ARHGEF7: variants seen among roughly 807,000 people sequenced by gnomAD.
ARHGEF7 encodes the protein Rho guanine nucleotide exchange factor 7, also known as PAK-interacting exchange factor beta.
Under a neutral mutation model 109.8 loss-of-function variants are expected in ARHGEF7, and 33 were observed. The observed-to-expected ratio is 0.30, with a 90% CI of 0.23 to 0.40. The LOEUF (loss-of-function observed/expected upper bound fraction) is 0.40. ARHGEF7 is among the 10% of genes least tolerant of loss of function. The pLI is 1.00. For missense variants in ARHGEF7, 938 were observed against 1,098.5 expected (o/e 0.85, Z 2.07); for synonymous variants, 458 against 424.6 (o/e 1.08, Z -0.97).
chr13:111,243,469 T>A (rs893003756), intron 6 of ARHGEF7, among the ~76,000 whole-genome samples: 5 of 152,240 alleles, frequency 3.3e-5, no homozygotes, highest in African/African-American at 1.2e-4. Flanking sequence ...TCTCTTAGAC[T>A]TAATACAAAT....
At chr13:111,247,327 G>A (rs909642692) in intron 8 of ARHGEF7, among the ~76,000 whole-genome samples, 1 of 150,902 alleles carries the variant, frequency 6.6e-6, no homozygotes, top group African/African-American at 2.4e-5. Flanking sequence ...GGAGTGCACT[G>A]GTGCGATCTC....
chr13:111,170,562 G>T (rs2077511169), intron 2 of ARHGEF7, among the ~76,000 whole-genome samples: 1 of 152,230 alleles, frequency 6.6e-6, no homozygotes, highest in African/African-American at 2.4e-5. Context: ...CCTTGCACAA[G>T]GCTGCTCACT....
intron 4 of ARHGEF7, among the ~76,000 whole-genome samples, chr13:111,213,534 A>G (rs143818734): frequency 6.9e-4 from 105 of 152,216 alleles, no homozygotes; most frequent in Non-Finnish European, 1.3e-3. Flanking sequence ...TGCTGTCCTG[A>G]TGTCTGATGG....
chr13:111,184,763 T>G (rs1239965218), intron 2 of ARHGEF7, among the ~76,000 whole-genome samples: 1 of 152,200 alleles, frequency 6.6e-6, no homozygotes, highest in Non-Finnish European at 1.5e-5. Context: ...CCCAGTTGAC[T>G]GGCATCAGAG....
intron 18 of ARHGEF7, among the ~76,000 whole-genome samples, chr13:111,291,456 C>T (rs759264944): frequency 1.3e-5 from 2 of 152,386 alleles, no homozygotes; most frequent in African/African-American, 2.4e-5. Flanking sequence ...TAAGCTCCAG[C>T]GCGCCCTGGG....
chr13:111,179,021 C>T (rs574814720), intron 2 of ARHGEF7, among the ~76,000 whole-genome samples: 3 of 150,816 alleles, frequency 2.0e-5, no homozygotes, highest in South Asian at 4.2e-4. Context: ...GACTAGAGTT[C>T]GGTGAACATC....
chr13:111,277,490 T>G (rs935832178), intron 12 of ARHGEF7, 97 bp from the exon 13 acceptor site: 8 of 722,422 alleles, frequency 1.1e-5, no homozygotes, highest in Non-Finnish European at 1.9e-5. Flanking sequence ...CATGTAATGT[T>G]TCATAGGGCC....
At chr13:111,150,702 G>C (rs138403457) in intron 1 of ARHGEF7, among the ~76,000 whole-genome samples, 330 of 152,282 alleles carry the variant, frequency 2.2e-3, no homozygotes, top group Non-Finnish European at 3.4e-3. Context: ...CCTTGTTGGC[G>C]TCAAGAGCCT....
chr13:111,241,473 G>A, intron 6 of ARHGEF7: 1 of 856,114 alleles, frequency 1.2e-6, no homozygotes, highest in Non-Finnish European at 1.8e-6. Flanking sequence ...AACTTGCATT[G>A]TTTGGTTGGG....
chr13:111,295,242 T>G, intron 19 of ARHGEF7: 1 of 979,350 alleles, frequency 1.0e-6, no homozygotes, highest in Non-Finnish European at 1.2e-6. Context: ...TAGCATAGTT[T>G]GCAGTGTAAT....
chr13:111,235,730 C>T (rs2086714825), intron 6 of ARHGEF7, among the ~76,000 whole-genome samples: 1 of 152,128 alleles, frequency 6.6e-6, no homozygotes, highest in Non-Finnish European at 1.5e-5. Context: ...GTAAATTGTA[C>T]ATAAAAATAG....
At chr13:111,203,131 T>C in intron 2 of ARHGEF7, 4 of 1,271,756 alleles carry the variant, frequency 3.1e-6, no homozygotes, top group South Asian at 2.6e-5. Context: ...AGTAGAAATT[T>C]ATGTATGTAT....
chr13:111,126,438 C>T (rs889067496), intron 1 of ARHGEF7, among the ~76,000 whole-genome samples: 1 of 150,388 alleles, frequency 6.6e-6, no homozygotes, highest in Non-Finnish European at 1.5e-5. Flanking sequence ...TGCAGTGAGC[C>T]GAGATCGTGC....
intron 1 of ARHGEF7, among the ~76,000 whole-genome samples, chr13:111,128,831 A>G (rs2067753965): frequency 1.3e-5 from 2 of 152,238 alleles, no homozygotes; most frequent in Admixed American, 1.3e-4. Flanking sequence ...TAGATTCAAC[A>G]GAGTCACAAC....
chr13:111,232,051 A>G (rs2086130392), intron 5 of ARHGEF7, among the ~76,000 whole-genome samples: 2 of 152,158 alleles, frequency 1.3e-5, no homozygotes, highest in Non-Finnish European at 2.9e-5. Flanking sequence ...TGTTAGATGT[A>G]CAGAACGTAG....
intron 2 of ARHGEF7, among the ~76,000 whole-genome samples, chr13:111,168,811 G>C (rs975418023): frequency 6.6e-6 from 1 of 152,204 alleles, no homozygotes; most frequent in African/African-American, 2.4e-5. Context: ...AAGTGATGCT[G>C]TGTTGAGAGA....
In ARHGEF7 at chr13:111,270,155, G is replaced by A. The variant is rs188554681; in HGVS notation, c.1073+2485G>A. ...GCGTCCAGTGATGGCAGCAACACTT[G>A]TCCATGGCCAGCTATTTTGAATGAA... On this transcript the variant is annotated intron_variant, in intron 9 of 21. Transcript: ENST00000646102. Among the ~76,000 whole-genome samples, 88 of 152,326 alleles carry A rather than the reference G, an allele frequency of 5.8e-4. 1 individual carries two copies. The highest frequency in any genetic ancestry group is 2.1e-3 in the African/African-American group (86 of 41,562).
At chr13:111,253,224 G>A (rs982438296) in intron 8 of ARHGEF7, among the ~76,000 whole-genome samples, 1 of 152,250 alleles carries the variant, frequency 6.6e-6, no homozygotes, top group Non-Finnish European at 1.5e-5. Flanking sequence ...CCCTGTTACA[G>A]TATGATTTAG....
At chr13:111,203,001 G>C in intron 2 of ARHGEF7, 2 of 1,152,168 alleles carry the variant, frequency 1.7e-6, no homozygotes, top group South Asian at 3.1e-5. Flanking sequence ...CAGCCAATCA[G>C]ATGCTTCCTG....
Sources: gnomAD v4.1 joint callset for allele counts (sites outside exome capture counted in the v4.1 genomes callset) on GRCh38, gnomAD v4.1.1 for gene constraint, MANE v1.5 for transcripts, NCBI Gene and HGNC (gene_info 2026-07-23, HGNC 2026-07-21) for gene names.